Variants in NRTN observed in about 807,000 individuals in gnomAD.
The protein encoded by NRTN is prepro-neurturin.
NRTN carries 3 observed loss-of-function variants against 7.5 expected under a neutral mutation model. The observed-to-expected ratio is 0.40, with a 90% CI of 0.18 to 1.03. NRTN has a LOEUF of 1.03. Ranked by LOEUF, NRTN falls within the 50% of genes least tolerant of loss-of-function variation. NRTN has a pLI of 0.34. For missense variants in NRTN, 310 were observed against 307.0 expected (o/e 1.01, Z -0.07); for synonymous variants, 157 against 146.6 (o/e 1.07, Z -0.51).
In NRTN at chr19:5,806,809, G is replaced by A. The variant is rs541076283; in HGVS notation, c.-399+1358G>A. 3.3e-5 allele frequency among the ~76,000 whole-genome samples: 5 copies of A among 152,246 alleles called. No homozygotes were observed. Among genetic ancestry groups the A allele is most frequent in the Admixed American group, 6.5e-5 (1 of 15,282 alleles). On this transcript the variant is annotated intron_variant, in intron 1 of 2. Coordinates refer to ENST00000303212, the MANE Select transcript of NRTN (RefSeq NM_004558.5). This position sits in a 1 kb window ranked among gnomAD's most constrained non-coding sequence, Gnocchi z 5.4. ...TGGCCCCTCGGCGTTTCAGGTCCCA[G>A]TTTTCAGGGAGCGAACAGAGGAGAC...
In NRTN at chr19:5,806,257, C is replaced by A. The variant is rs2056974939; in HGVS notation, c.-399+806C>A. Among the ~76,000 whole-genome samples, 3 of 152,042 alleles carry A rather than the reference C, an allele frequency of 2.0e-5. No individual in the cohort carries two copies. The highest frequency in any genetic ancestry group is 2.0e-4 in the Admixed American group (3 of 15,268). On this transcript the variant is annotated intron_variant, in intron 1 of 2. Coordinates refer to ENST00000303212, the MANE Select transcript of NRTN (RefSeq NM_004558.5). The surrounding 1 kb of genome is among the most constrained non-coding windows in gnomAD (Gnocchi z 5.4). ...GTGTGCTGGAGAGAGAAATGGCTCT[C>A]CCAGGGTGAATGCCACCACTGTCCC...
chr19:5,821,641 A>ATTCG (rs141271136), intron 1 of NRTN, among the ~76,000 whole-genome samples: 1 of 122,896 alleles, frequency 8.1e-6, no homozygotes, highest in African/African-American at 2.9e-5. Flanking sequence ...TCATTCATTC[A>ATTCG]TCATTCAGCA....
chr19:5,825,677 G>A (rs1349897925), intron 2 of NRTN, among the ~76,000 whole-genome samples: 2 of 152,228 alleles, frequency 1.3e-5, no homozygotes, highest in Non-Finnish European at 1.5e-5. Context: ...AGGGCCCATG[G>A]GCGGGTGCCT....
chr19:5,811,105 G>C (rs570748614), intron 1 of NRTN, among the ~76,000 whole-genome samples: 25 of 152,006 alleles, frequency 1.6e-4, no homozygotes, highest in African/African-American at 4.8e-4. Flanking sequence ...TGGGTGTAGT[G>C]GCGTGCACCT....
chr19:5,822,816 C>T (rs889987838), intron 1 of NRTN, among the ~76,000 whole-genome samples: 2 of 151,854 alleles, frequency 1.3e-5, no homozygotes, highest in African/African-American at 2.4e-5. Context: ...GCCTGGGCAA[C>T]GTTGTGAGAT....
Position 5,806,343 on chromosome 19 carries a change from G to A in NRTN, c.-399+892G>A, listed in dbSNP as rs2056975143. Among the ~76,000 whole-genome samples, 1 of 152,134 alleles carries A rather than the reference G, an allele frequency of 6.6e-6. No individual in the cohort carries two copies. The highest frequency in any genetic ancestry group is 1.5e-5 in the Non-Finnish European group (1 of 68,018). On this transcript the variant is annotated intron_variant, in intron 1 of 2. Transcript: ENST00000303212. The surrounding 1 kb of genome is among the most constrained non-coding windows in gnomAD (Gnocchi z 5.4). The stretch of plus-strand genomic sequence containing the variant: ...TGATTACCTGCAGGGCTCGTCATTG[G>A]TCCAGATTTGGGGAGTGGGGCCAGG...
intron 1 of NRTN, among the ~76,000 whole-genome samples, chr19:5,817,429 AAG>A (rs1379469772): frequency 3.1e-5 from 4 of 130,576 alleles, no homozygotes; most frequent in South Asian, 2.9e-4. Context: ...GAGAGAGAGA[AAG>A]AGAGAAAGGA....
At position 5,810,366 on chromosome 19, in the gene NRTN, G is replaced by A. The variant is rs374663009; in HGVS notation, c.-399+4915G>A. On this transcript the variant is annotated intron_variant, in intron 1 of 2. Coordinates refer to ENST00000303212, the MANE Select transcript of NRTN (RefSeq NM_004558.5). ...GGTCTCAAGCAGTCCTCCCACCTTCGCCTCCCGACATGCTGTGATTATAGG... is the reference window on the plus strand; with the variant it reads ...GGTCTCAAGCAGTCCTCCCACCTTCACCTCCCGACATGCTGTGATTATAGG... Among the ~76,000 whole-genome samples, 136 of 151,298 alleles carry A rather than the reference G, an allele frequency of 9.0e-4. 3 individuals carry two copies. In the Middle Eastern group the frequency reaches 0.031, roughly 34 times the overall value.
At chr19:5,819,893 C>A (rs928447283) in intron 1 of NRTN, among the ~76,000 whole-genome samples, 1 of 151,432 alleles carries the variant, frequency 6.6e-6, no homozygotes, top group African/African-American at 2.4e-5. Flanking sequence ...CTTCTTAGGA[C>A]GCTTGTAAGG....
In NRTN at chr19:5,828,148, C is replaced by G; in HGVS notation, c.569C>G (p.Ser190Trp). The change falls in exon 3 of 3, where the codon TCG (serine) becomes TGG (tryptophan). Residue 190 changes from serine (S) to tryptophan (W), a missense_variant. Coordinates refer to ENST00000303212, the MANE Select transcript of NRTN (RefSeq NM_004558.5). ...CGCTACCACACGGTGCACGAGCTGTCGGCGCGCGAGTGCGCCTGCGTGTGA... is the reference window on the plus strand; with the variant it reads ...CGCTACCACACGGTGCACGAGCTGTGGGCGCGCGAGTGCGCCTGCGTGTGA... ...HSRYHTVHEL[S>W]ARECACV The G allele has an allele frequency of 6.5e-7, 1 of 1,529,776 alleles. No individual in the cohort carries two copies. Among genetic ancestry groups the G allele is most frequent in the Non-Finnish European group, 8.7e-7 (1 of 1,144,038 alleles). 94.8% of individuals were successfully genotyped at this position (1,529,776 alleles called of 1,614,324 possible).
chr19:5,816,880 A>C (rs2144760638), intron 1 of NRTN, among the ~76,000 whole-genome samples: 1 of 152,308 alleles, frequency 6.6e-6, no homozygotes, highest in Non-Finnish European at 1.5e-5. Context: ...TTTGAGTGTG[A>C]CTGTGAAAAC....
chr19:5,820,738 GAAAAAAAAAAAAAA>G lies in NRTN; in HGVS notation c.-398-3014_-398-3001del, dbSNP rs869276836. ...GCAACAGAGTGAAACTCTGTCTCAA[GAAAAAAAAAAAAAA>G]AAAAAAAAAAAAAAAGGAATAAAGG... On this transcript the variant is annotated intron_variant, in intron 1 of 2. Coordinates refer to ENST00000303212, the MANE Select transcript of NRTN (RefSeq NM_004558.5). 1.5e-4 allele frequency among the ~76,000 whole-genome samples: 6 copies of G among 39,102 alleles called. No homozygotes were observed. In the South Asian group the frequency reaches 4.1e-3, roughly 27 times the overall value. The allele number at this position is 39,102 out of a possible 152,430, so 25.7% of individuals were successfully genotyped here.
At chr19:5,823,075 AAAAAG>A (rs893238909) in intron 1 of NRTN, among the ~76,000 whole-genome samples, 2 of 61,414 alleles carry the variant, frequency 3.3e-5, no homozygotes, top group African/African-American at 5.6e-5. Flanking sequence ...AAAGGAAGAG[AAAAAG>A]AAAGAGAGAA....
At chr19:5,821,237 A>G (rs2057023494) in intron 1 of NRTN, among the ~76,000 whole-genome samples, 1 of 140,144 alleles carries the variant, frequency 7.1e-6, no homozygotes, top group Non-Finnish European at 1.5e-5. Context: ...CCATCCGTTC[A>G]CTCAGACATG....
At chr19:5,824,380 G>A (rs773883410) in intron 2 of NRTN, 46 bp downstream of exon 2, 3 of 1,560,266 alleles carry the variant, frequency 1.9e-6, no homozygotes, top group East Asian at 4.7e-5. Flanking sequence ...AACGTAAGGG[G>A]TAGAATTTCA....
chr19:5,822,902 C>T (rs1239824846), intron 1 of NRTN, among the ~76,000 whole-genome samples: 2 of 151,958 alleles, frequency 1.3e-5, no homozygotes, highest in Non-Finnish European at 1.5e-5. Flanking sequence ...TGCCTGTAGT[C>T]AGTCCTAGCT....
chr19:5,819,381 G>A (rs962966404), intron 1 of NRTN, among the ~76,000 whole-genome samples: 3 of 152,000 alleles, frequency 2.0e-5, no homozygotes, highest in East Asian at 3.9e-4. Flanking sequence ...ATAAAAATTG[G>A]TCAGGTGTGG....
chr19:5,808,736 T>C (rs2056981054), intron 1 of NRTN, among the ~76,000 whole-genome samples: 1 of 151,052 alleles, frequency 6.6e-6, no homozygotes. Context: ...TGGAACACTC[T>C]TTCCAGATCT....
intron 1 of NRTN, among the ~76,000 whole-genome samples, chr19:5,815,346 T>A (rs555109309): frequency 4.0e-5 from 6 of 150,734 alleles, no homozygotes; most frequent in South Asian, 2.1e-4. Context: ...GTTGTTCAAG[T>A]GTGTGTGTGT....
Sources: gnomAD v4.1 joint callset for allele counts (sites outside exome capture counted in the v4.1 genomes callset) on GRCh38, gnomAD v4.1.1 for gene constraint, Gnocchi (gnomAD v3.1) non-coding constraint, MANE v1.5 for transcripts, NCBI Gene and HGNC (gene_info 2026-07-23, HGNC 2026-07-21) for gene names.